Variants in LZTFL1 observed in about 807,000 individuals in gnomAD.
LZTFL1 encodes the protein leucine zipper transcription factor like 1.
LZTFL1 carries 25 observed loss-of-function variants against 45.9 expected under a neutral mutation model. The observed-to-expected ratio is 0.54, with a 90% confidence interval of 0.40 to 0.76. The LOEUF (loss-of-function observed/expected upper bound fraction) is 0.76. LZTFL1 is among the 30% of genes least tolerant of loss of function. LZTFL1 has a pLI of 0.00. For missense variants in LZTFL1, 277 were observed against 331.1 expected (o/e 0.84, Z 1.27); for synonymous variants, 93 against 117.4 (o/e 0.79, Z 1.35).
chr3:45,888,293 C>T (rs899505914), intron 2 of LZTFL1, among the ~76,000 whole-genome samples: 11 of 152,164 alleles, frequency 7.2e-5, no homozygotes, highest in African/African-American at 2.4e-4. Flanking sequence ...CCATGCTCTT[C>T]GGCCTTCAAG....
At chr3:45,882,982 A>G (rs1244396438) in intron 2 of LZTFL1, among the ~76,000 whole-genome samples, 1 of 152,148 alleles carries the variant, frequency 6.6e-6, no homozygotes, top group Non-Finnish European at 1.5e-5. Flanking sequence ...ATGAAGTCTC[A>G]GTTTAGAATT....
chr3:45,895,040 G>A (rs553478232), intron 2 of LZTFL1: 5 of 1,351,780 alleles, frequency 3.7e-6, no homozygotes, highest in Admixed American at 1.7e-5. Flanking sequence ...CACTGTGGGG[G>A]AAGGATTTAT....
intron 2 of LZTFL1, among the ~76,000 whole-genome samples, chr3:45,867,850 A>G (rs1701602418): frequency 6.6e-6 from 1 of 152,244 alleles, no homozygotes; most frequent in East Asian, 1.9e-4. Context: ...TCTCAAAACA[A>G]CAACGACAAC....
In LZTFL1 at chr3:45,900,959, C is replaced by T. The variant is rs537966588; in HGVS notation, c.-215+12161G>A. 6 of 1,614,192 alleles carry T rather than the reference C, an allele frequency of 3.7e-6. No homozygotes were observed. Among genetic ancestry groups the T allele is most frequent in the South Asian group, 2.2e-5 (2 of 91,082 alleles). ...ATTTCCTCCCACCCTTGTACTGGCT[C>T]GTGTTCATCGTGGGTGCCTTGGGCA... On this transcript the variant is annotated intron_variant, in intron 2 of 4. Transcript: ENST00000472635. The surrounding 1 kb of genome is among the most constrained non-coding windows in gnomAD (Gnocchi z 4.7).
rs1700906982 is a variant in LZTFL1 at position 45,834,220 on chromosome 3, G to C, written c.384+18C>G. ...TACTGGCTATTAAGATATGGATTTAGAATGACCAAAAAGTTACCTTTTTGT... is the reference window on the plus strand; with the variant it reads ...TACTGGCTATTAAGATATGGATTTACAATGACCAAAAAGTTACCTTTTTGT... On this transcript the variant is annotated intron_variant, in intron 4 of 9. Coordinates refer to ENST00000296135, the MANE Select transcript of LZTFL1 (RefSeq NM_020347.4). 6.6e-7 allele frequency: 1 copy of C among 1,524,874 alleles called. No homozygotes were observed. The highest frequency in any genetic ancestry group is 9.1e-7 in the Non-Finnish European group (1 of 1,104,820). The allele number at this position is 1,524,874 out of a possible 1,614,324, so 94.5% of individuals were successfully genotyped here. A position where few individuals can be genotyped will look rare whatever the true frequency, so the allele number is the denominator to read the frequency against.
At chr3:45,886,984 G>A (rs1276373601) in intron 2 of LZTFL1, among the ~76,000 whole-genome samples, 1 of 152,160 alleles carries the variant, frequency 6.6e-6, no homozygotes, top group African/African-American at 2.4e-5. Context: ...ACACCCATGA[G>A]GTCCTTGAGT....
At chr3:45,836,143 A>T (rs901945604) in intron 2 of LZTFL1, among the ~76,000 whole-genome samples, 1 of 152,218 alleles carries the variant, frequency 6.6e-6, no homozygotes, top group Non-Finnish European at 1.5e-5. Flanking sequence ...CGGAAGGCAT[A>T]GTCTCATTTC....
intron 2 of LZTFL1, chr3:45,895,070 A>G (rs1702310253): frequency 1.8e-6 from 2 of 1,135,694 alleles, no homozygotes; most frequent in South Asian, 1.2e-5. Flanking sequence ...TTCCCAGGGT[A>G]AGATCTCTGC....
At chr3:45,913,071 C>T in intron 2 of LZTFL1, 1 of 1,510,668 alleles carries the variant, frequency 6.6e-7, no homozygotes, top group African/African-American at 1.4e-5. Flanking sequence ...ACAGCTGTCT[C>T]AGCATAACGC....
chr3:45,872,695 G>A (rs1033810039), intron 2 of LZTFL1, among the ~76,000 whole-genome samples: 1 of 152,222 alleles, frequency 6.6e-6, no homozygotes, highest in Non-Finnish European at 1.5e-5. Flanking sequence ...CATCAGGCTA[G>A]CGATGACTGG....
chr3:45,886,110 G>A (rs536552713), intron 2 of LZTFL1, among the ~76,000 whole-genome samples: 3 of 152,300 alleles, frequency 2.0e-5, no homozygotes, highest in South Asian at 2.1e-4. Flanking sequence ...GTTCTGGTAC[G>A]TCTGTCAAGG....
At position 45,900,776 on chromosome 3, in the gene LZTFL1, C is replaced by A; in HGVS notation, c.-215+12344G>T. The A allele has an allele frequency of 6.3e-7, 1 of 1,575,960 alleles. No homozygotes were observed. Among genetic ancestry groups the A allele is most frequent in the South Asian group, 1.2e-5 (1 of 84,162 alleles). ...TCAGACAGGACCTTCAAAATATTTT[C>A]CTTGACCTAATGCCATCTTGTGTCC... On this transcript the variant is annotated intron_variant, in intron 2 of 4. Coordinates refer to the LZTFL1 transcript ENST00000472635. This position sits in a 1 kb window ranked among gnomAD's most constrained non-coding sequence, Gnocchi z 4.7.
intron 2 of LZTFL1, among the ~76,000 whole-genome samples, chr3:45,897,027 T>C (rs966115682): frequency 1.3e-5 from 2 of 152,230 alleles, no homozygotes; most frequent in African/African-American, 4.8e-5. Context: ...CTGCTGCTTC[T>C]GAGCCCAGGA....
chr3:45,857,345 A>G (rs1358684485), intron 3 of LZTFL1, among the ~76,000 whole-genome samples: 1 of 152,152 alleles, frequency 6.6e-6, no homozygotes, highest in Non-Finnish European at 1.5e-5. Flanking sequence ...ACAGAGGGGA[A>G]CAACACACAC....
At chr3:45,899,058 C>CAGG in intron 2 of LZTFL1, among the ~76,000 whole-genome samples, 1 of 152,300 alleles carries the variant, frequency 6.6e-6, no homozygotes, top group East Asian at 1.9e-4. Context: ...CCCAGCTACT[C>CAGG]AGGAGGCTGA....
chr3:45,906,761 C>T (rs1245651747), intron 2 of LZTFL1, among the ~76,000 whole-genome samples: 2 of 152,228 alleles, frequency 1.3e-5, no homozygotes, highest in Non-Finnish European at 2.9e-5. Context: ...GAAGAAGCCA[C>T]AGATTTCACC....
intron 2 of LZTFL1, among the ~76,000 whole-genome samples, chr3:45,873,037 T>C (rs760725407): frequency 1.3e-5 from 2 of 152,228 alleles, no homozygotes; most frequent in Non-Finnish European, 2.9e-5. Flanking sequence ...ATTAAGGAAC[T>C]TGTAAAATCA....
At chr3:45,861,809 T>C (rs928175097) in intron 2 of LZTFL1, among the ~76,000 whole-genome samples, 2 of 152,338 alleles carry the variant, frequency 1.3e-5, no homozygotes, top group Middle Eastern at 3.4e-3. Context: ...TAGAAGAATT[T>C]ACTTACCCCT....
rs560386048 is a variant in LZTFL1 at position 45,824,545 on chromosome 3, C to A, written c.*1769G>T. The stretch of plus-strand genomic sequence containing the variant: ...TGAATTTATTATTAAACAATAGGAA[C>A]GTACTGTACAGAATATTTCAAAACT... On this transcript the variant is annotated 3_prime_UTR_variant, in exon 10 of 10. Transcript: ENST00000296135. 1 of 327,236 alleles carries A rather than the reference C, an allele frequency of 3.1e-6. No individual in the cohort carries two copies. The highest frequency in any genetic ancestry group is 5.5e-6 in the Non-Finnish European group (1 of 182,310). The allele number at this position is 327,236 out of a possible 1,614,324, so 20.3% of individuals were successfully genotyped here. A position where few individuals can be genotyped will look rare whatever the true frequency, so the allele number is the denominator to read the frequency against.
Sources: gnomAD v4.1 joint callset for allele counts (sites outside exome capture counted in the v4.1 genomes callset) on GRCh38, gnomAD v4.1.1 for gene constraint, Gnocchi (gnomAD v3.1) non-coding constraint, MANE v1.5 for transcripts, NCBI Gene and HGNC (gene_info 2026-07-23, HGNC 2026-07-21) for gene names.